GATAD2A: variants seen among roughly 807,000 people sequenced by gnomAD.
The protein encoded by GATAD2A is GATA zinc finger domain containing 2A, also known as transcriptional repressor p66-alpha.
A neutral mutation model predicts 68.5 loss-of-function variants in GATAD2A; 12 were observed. The observed-to-expected ratio is 0.18, with a 90% CI of 0.11 to 0.28. GATAD2A has a LOEUF of 0.28. GATAD2A is among the 10% of genes least tolerant of loss of function. GATAD2A has a pLI of 1.00. For synonymous variants in GATAD2A, 410 were observed against 375.3 expected (o/e 1.09, Z -1.07); for missense variants, 755 against 868.5 (o/e 0.87, Z 1.64).
intron 1 of GATAD2A, among the ~76,000 whole-genome samples, chr19:19,420,956 A>G (rs1042884896): frequency 6.6e-6 from 1 of 152,200 alleles, no homozygotes; most frequent in Non-Finnish European, 1.5e-5. Context: ...CCTCTTGTCA[A>G]CATATTAGAG....
chr19:19,394,646 T>G (rs1473138707), intron 1 of GATAD2A, among the ~76,000 whole-genome samples: 3 of 151,990 alleles, frequency 2.0e-5, no homozygotes, highest in Non-Finnish European at 4.4e-5. Flanking sequence ...GGGGTTTCAC[T>G]GTGTTGCCCA....
chr19:19,500,176 C>T (rs769785574), intron 8 of GATAD2A, among the ~76,000 whole-genome samples: 4 of 152,222 alleles, frequency 2.6e-5, no homozygotes, highest in Non-Finnish European at 5.9e-5. Flanking sequence ...TCTCCTGACA[C>T]CTCCCAGAGC....
intron 1 of GATAD2A, among the ~76,000 whole-genome samples, chr19:19,395,436 C>T (rs2049155767): frequency 1.3e-5 from 2 of 151,726 alleles, no homozygotes. Flanking sequence ...GCCTGGGCAA[C>T]AGAGCGAGAT....
chr19:19,434,004 C>G (rs983714704), intron 1 of GATAD2A, among the ~76,000 whole-genome samples: 10 of 152,208 alleles, frequency 6.6e-5, no homozygotes, highest in African/African-American at 2.4e-4. Context: ...AACTCCTGAG[C>G]TCAATTGATC....
At chr19:19,442,609 C>G (rs1345013064) in intron 1 of GATAD2A, among the ~76,000 whole-genome samples, 1 of 152,124 alleles carries the variant, frequency 6.6e-6, no homozygotes, top group East Asian at 1.9e-4. Context: ...GTCTGGGCAA[C>G]AGAGTAAGAC....
At chr19:19,460,423 A>G (rs918614520) in intron 1 of GATAD2A, among the ~76,000 whole-genome samples, 1 of 152,182 alleles carries the variant, frequency 6.6e-6, no homozygotes, top group African/African-American at 2.4e-5. Flanking sequence ...TAGCGAGGCT[A>G]GCACCTGGAC....
intron 1 of GATAD2A, among the ~76,000 whole-genome samples, chr19:19,454,236 T>C (rs1424456859): frequency 6.6e-6 from 1 of 150,482 alleles, no homozygotes; most frequent in Non-Finnish European, 1.5e-5. Flanking sequence ...CCTCAGGTGA[T>C]CTGCCCACCT....
chr19:19,395,788 G>A (rs983249213), intron 1 of GATAD2A, among the ~76,000 whole-genome samples: 2 of 152,130 alleles, frequency 1.3e-5, no homozygotes, highest in East Asian at 3.8e-4. Context: ...ATAAAAGTAC[G>A]GTGGGAGTCC....
intron 1 of GATAD2A, among the ~76,000 whole-genome samples, chr19:19,431,351 C>G (rs2053722933): frequency 6.6e-6 from 1 of 150,938 alleles, no homozygotes; most frequent in South Asian, 2.1e-4. Flanking sequence ...CTCCTCAGAT[C>G]GGCCCCTTCT....
intron 1 of GATAD2A, among the ~76,000 whole-genome samples, chr19:19,458,162 G>A (rs2057108021): frequency 6.6e-6 from 1 of 152,224 alleles, no homozygotes; most frequent in African/African-American, 2.4e-5. Context: ...CAGCCAGTGA[G>A]TAGTAGACAT....
At chr19:19,483,781 ATTTTTTTT>A (rs540958459) in intron 2 of GATAD2A, among the ~76,000 whole-genome samples, 2 of 130,020 alleles carry the variant, frequency 1.5e-5, no homozygotes, top group African/African-American at 3.0e-5. Flanking sequence ...TACCCGGCTA[ATTTTTTTT>A]TTTTTTTTTT....
chr19:19,496,244 A>G, intron 7 of GATAD2A, 25 bp downstream of exon 7: 1 of 1,604,430 alleles, frequency 6.2e-7, no homozygotes, highest in Non-Finnish European at 8.5e-7. Context: ...ACACTGTGCC[A>G]GGGAGAGTGT....
At position 19,506,219 on chromosome 19, in the gene GATAD2A, C is replaced by T. The variant is rs1277642856; in HGVS notation, c.*745C>T. 9 of 398,564 alleles carry T rather than the reference C, an allele frequency of 2.3e-5. No homozygotes were observed. The highest frequency in any genetic ancestry group is 1.3e-4 in the South Asian group (1 of 7,734). The allele number at this position is 398,564 out of a possible 1,614,324, so 24.7% of individuals were successfully genotyped here. A position where few individuals can be genotyped will look rare whatever the true frequency, so the allele number is the denominator to read the frequency against. On this transcript the variant is annotated 3_prime_UTR_variant, in exon 12 of 12. Coordinates refer to ENST00000683918, the MANE Select transcript of GATAD2A (RefSeq NM_001384528.1). ...CATTGCTGCTTGTTCTGGAGACCCC[C>T]GCCCCCGCACCTTCCAGACTTAGCA...
At chr19:19,433,138 C>T (rs1272861246) in intron 1 of GATAD2A, among the ~76,000 whole-genome samples, 1 of 152,196 alleles carries the variant, frequency 6.6e-6, no homozygotes, top group Admixed American at 6.5e-5. Context: ...TTGCCAGTTG[C>T]ACTGTAGGTA....
chr19:19,404,605 TG>T (rs1242861696), upstream of GATAD2A, among the ~76,000 whole-genome samples: 2 of 151,940 alleles, frequency 1.3e-5, no homozygotes, highest in Non-Finnish European at 2.9e-5. Context: ...TCCGTGAACC[TG>T]GGAAGTGGAG....
chr19:19,450,085 C>G (rs2056210752), intron 1 of GATAD2A, among the ~76,000 whole-genome samples: 1 of 152,208 alleles, frequency 6.6e-6, no homozygotes, highest in East Asian at 1.9e-4. Flanking sequence ...GCCACTGCAC[C>G]TGGTCCCTTT....
chr19:19,409,086 T>C lies in GATAD2A; in HGVS notation c.-7+3067T>C, dbSNP rs151098336. Among the ~76,000 whole-genome samples the C allele has an allele frequency of 3.0e-4, 45 of 150,134 alleles. 1 individual carries two copies. The highest frequency in any genetic ancestry group is 1.1e-3 in the African/African-American group (43 of 40,718). ...AGAATGACCAGCAGAGTTTTGGATATATGAATTCCCAACAGAGACAAAAAT... is the reference window on the plus strand; with the variant it reads ...AGAATGACCAGCAGAGTTTTGGATACATGAATTCCCAACAGAGACAAAAAT... On this transcript the variant is annotated intron_variant, in intron 1 of 11. Transcript: ENST00000683918.
At chr19:19,437,889 G>A (rs1315098072) in intron 1 of GATAD2A, among the ~76,000 whole-genome samples, 1 of 152,168 alleles carries the variant, frequency 6.6e-6, no homozygotes, top group Admixed American at 6.5e-5. Context: ...TAACATTCGT[G>A]TACAAGCTTT....
At chr19:19,477,858 C>A (rs956520712) in intron 2 of GATAD2A, among the ~76,000 whole-genome samples, 2 of 152,220 alleles carry the variant, frequency 1.3e-5, no homozygotes, top group Non-Finnish European at 1.5e-5. Context: ...AGCGTCCTCA[C>A]ACTGAGGTCC....
Sources: gnomAD v4.1 joint callset for allele counts (sites outside exome capture counted in the v4.1 genomes callset) on GRCh38, gnomAD v4.1.1 for gene constraint, MANE v1.5 for transcripts, NCBI Gene and HGNC (gene_info 2026-07-23, HGNC 2026-07-21) for gene names.